Variants in MYO1G observed in about 807,000 individuals in gnomAD.
MYO1G encodes the protein myosin IG.
A neutral mutation model predicts 115.3 loss-of-function variants in MYO1G; 65 were observed. The observed-to-expected ratio is 0.56, with a 90% CI of 0.46 to 0.69. The LOEUF is 0.69. Ranked by LOEUF, MYO1G falls within the 30% of genes least tolerant of loss-of-function variation. The pLI, the probability that MYO1G is intolerant of heterozygous loss-of-function variation, is 0.00. For missense variants in MYO1G, 1,204 were observed against 1,393.5 expected (o/e 0.86, Z 2.16); for synonymous variants, 510 against 552.6 (o/e 0.92, Z 1.08).
Position 44,970,134 on chromosome 7 carries a change from T to G in MYO1G, c.1238A>C (p.Asn413Thr). The change falls in exon 10 of 22, where the codon AAC becomes ACC. Residue 413 changes from asparagine (N) to threonine (T), a missense_variant. Asn to Thr is a moderately conservative substitution (Grantham distance 65). Coordinates refer to ENST00000258787, the MANE Select transcript of MYO1G (RefSeq NM_033054.3). The stretch of plus-strand genomic sequence containing the variant: ...CTGCTGCAGCTTCTCGTTGCAGTAG[T>G]TGATGCAGAACTGCTCGAAACTGGG... ...PVNSFEQFCI[N>T]YCNEKLQQLF... The G allele has an allele frequency of 6.2e-7, 1 of 1,613,860 alleles. No individual in the cohort carries two copies. Among genetic ancestry groups the G allele is most frequent in the Middle Eastern group, 1.7e-4 (1 of 6,056 alleles).
chr7:44,964,920 A>G lies in MYO1G; in HGVS notation c.2526+25T>C. The G allele has an allele frequency of 1.9e-6, 3 of 1,582,396 alleles. No individual in the cohort carries two copies. Among genetic ancestry groups the G allele is most frequent in the Non-Finnish European group, 2.6e-6 (3 of 1,157,792 alleles). On this transcript the variant is annotated intron_variant, in intron 18 of 21. Transcript: ENST00000258787. The surrounding 1 kb of genome is among the most constrained non-coding windows in gnomAD (Gnocchi z 5.1). ...CTTTGGCAGCCCACTTCCCCCTGGC[A>G]GCCCTGGACTCGCCTGGCACTTACA...
intron 5 of MYO1G, chr7:44,972,637 G>C: frequency 5.0e-6 from 1 of 201,696 alleles, no homozygotes; most frequent in Non-Finnish European, 1.0e-5. Context: ...AGAATCCTAG[G>C]GAGCTCCACT....
At position 44,970,680 on chromosome 7, in the gene MYO1G, G is replaced by T. The variant is rs377745166; in HGVS notation, c.1129C>A (p.Pro377Thr). 2 of 1,613,874 alleles carry T rather than the reference G, an allele frequency of 1.2e-6. No homozygotes were observed. The highest frequency in any genetic ancestry group is 1.7e-6 in the Non-Finnish European group (2 of 1,180,048). Residue 377 changes from proline (P) to threonine (T), a missense_variant, in exon 9 of 22, where the codon CCC (proline) becomes ACC (threonine). Physicochemically the swap from Pro to Thr is conservative, Grantham distance 38. Coordinates refer to ENST00000258787, the MANE Select transcript of MYO1G (RefSeq NM_033054.3). ...VVNRINSVME[P>T]RGRDPRRDGK... ...TCACGCCGAGGATCCCGGCCCCGGGGTTCCATGACACTGTTGATCCTGTTC... is the reference window on the plus strand; with the variant it reads ...TCACGCCGAGGATCCCGGCCCCGGGTTTCCATGACACTGTTGATCCTGTTC...
chr7:44,976,870 G>A lies in MYO1G; in HGVS notation c.297C>T (p.Val99=), dbSNP rs1171739732. The A allele has an allele frequency of 6.2e-7, 1 of 1,613,216 alleles. No individual in the cohort carries two copies. The highest frequency in any genetic ancestry group is 1.3e-5 in the African/African-American group (1 of 74,942). The stretch of plus-strand genomic sequence containing the variant: ...GGCGGCAGGGACAGGTACCTGAGAT[G>A]ACGATGCAGGTGTCCCTGGACCGGT... ...MKHRSRDTCI[V]ISGESGAGKT... Residue 99 remains valine, a synonymous_variant, in exon 2 of 22, where the codon GTC becomes GTT. Transcript: ENST00000258787.
chr7:44,975,431 G>A, intron 4 of MYO1G, 53 bp downstream of exon 4: 1 of 1,574,306 alleles, frequency 6.4e-7, no homozygotes, highest in African/African-American at 1.3e-5. Flanking sequence ...CCAGGCCTGG[G>A]ATGGGTCTCG....
At chr7:44,975,402 C>T (rs1014380963) in intron 4 of MYO1G, 82 bp downstream of exon 4, 14 of 1,550,738 alleles carry the variant, frequency 9.0e-6, no homozygotes, top group South Asian at 3.5e-5. Context: ...TAAGCTGCAC[C>T]GTCGGGATGG....
intron 17 of MYO1G, 132 bp downstream of exon 17, chr7:44,965,505 A>G: frequency 1.2e-6 from 1 of 843,316 alleles, no homozygotes; most frequent in Non-Finnish European, 1.9e-6. Context: ...CTAATGTGGC[A>G]TAGCATCCAC....
Position 44,966,782 on chromosome 7 carries a change from CAGCTT to C in MYO1G, c.1834_1838del (p.Lys612GlyfsTer2). 1 of 1,613,632 alleles carries C rather than the reference CAGCTT, an allele frequency of 6.2e-7. No homozygotes were observed. The highest frequency in any genetic ancestry group is 8.5e-7 in the Non-Finnish European group (1 of 1,179,966). On this transcript the variant is annotated frameshift_variant, in exon 15 of 22. Transcript: ENST00000258787. LOFTEE classifies it high-confidence loss of function. This position sits in a 1 kb window ranked among gnomAD's most constrained non-coding sequence, Gnocchi z 5.0. The stretch of plus-strand genomic sequence containing the variant: ...CCTGGTGGCGACAGTGGTTCTCATC[CAGCTT>C]CCCAGCTACCTTGTCCTCATTGGGC...
intron 12 of MYO1G, 81 bp from the exon 13 acceptor site, chr7:44,968,039 C>G (rs758955821): frequency 3.5e-6 from 4 of 1,135,640 alleles, no homozygotes; most frequent in Middle Eastern, 1.9e-4. Flanking sequence ...AGCCCCCACT[C>G]TCTTCCCATC....
chr7:44,966,628 C>A lies in MYO1G; in HGVS notation c.1949+44G>T. 1 of 1,610,544 alleles carries A rather than the reference C, an allele frequency of 6.2e-7. No individual in the cohort carries two copies. The highest frequency in any genetic ancestry group is 1.1e-5 in the South Asian group (1 of 90,758). ...CTGCTCCTACCCCTTGGACTCCACA[C>A]AGGGACTATGGCCCATGGAGTGATG... On this transcript the variant is annotated intron_variant, in intron 15 of 21. Transcript: ENST00000258787. This position sits in a 1 kb window ranked among gnomAD's most constrained non-coding sequence, Gnocchi z 5.0.
chr7:44,964,351 T>G lies in MYO1G; in HGVS notation c.2631+64A>C. On this transcript the variant is annotated intron_variant, in intron 19 of 21. Coordinates refer to ENST00000258787, the MANE Select transcript of MYO1G (RefSeq NM_033054.3). The surrounding 1 kb of genome is among the most constrained non-coding windows in gnomAD (Gnocchi z 5.1). Reference sequence around the variant, plus strand: ...CCCCCCAAAACTCTGCACCAGCTTCTAACCTTGCAGACGTGGCTAGAAAAA... The same window carrying G: ...CCCCCCAAAACTCTGCACCAGCTTCGAACCTTGCAGACGTGGCTAGAAAAA... The G allele has an allele frequency of 6.6e-7, 1 of 1,516,648 alleles. No individual in the cohort carries two copies. 93.9% of individuals were successfully genotyped at this position (1,516,648 alleles called of 1,614,324 possible). A position where few individuals can be genotyped will look rare whatever the true frequency, so the allele number is the denominator to read the frequency against.
intron 9 of MYO1G, 88 bp downstream of exon 9, chr7:44,970,504 G>A (rs1794935198): frequency 1.3e-6 from 2 of 1,547,410 alleles, no homozygotes; most frequent in Non-Finnish European, 1.8e-6. Flanking sequence ...CAACATTCCT[G>A]CTGCCCAGCC....
intron 17 of MYO1G, 113 bp from the exon 18 acceptor site, chr7:44,965,202 TC>T: frequency 6.9e-7 from 1 of 1,443,026 alleles, no homozygotes; most frequent in Non-Finnish European, 9.3e-7. Flanking sequence ...GCCTTTCATG[TC>T]CCAACCTCTG....
At position 44,965,788 on chromosome 7, in the gene MYO1G, G is replaced by A. The variant is rs149069497; in HGVS notation, c.2230C>T (p.Arg744Trp). The change falls in exon 17 of 22, where the codon CGG (arginine) becomes TGG (tryptophan). Residue 744 changes from arginine to tryptophan, a missense_variant. Coordinates refer to ENST00000258787, the MANE Select transcript of MYO1G (RefSeq NM_033054.3). ...AGGTGAGCCCGCACCTTGTGTCTCCGGAACCAGCGCATGATGGTGTAGATA... is the reference window on the plus strand; with the variant it reads ...AGGTGAGCCCGCACCTTGTGTCTCCAGAACCAGCGCATGATGGTGTAGATA... ...RAIYTIMRWF[R>W]RHKVRAHLAE... The A allele has an allele frequency of 5.2e-5, 84 of 1,605,360 alleles. No homozygotes were observed. The highest frequency in any genetic ancestry group is 1.1e-4 in the East Asian group (5 of 44,858).
Position 44,975,566 on chromosome 7 carries a change from C to T in MYO1G, c.482G>A (p.Arg161His), listed in dbSNP as rs771955737. 12 of 1,613,876 alleles carry T rather than the reference C, an allele frequency of 7.4e-6. No homozygotes were observed. The highest frequency in any genetic ancestry group is 1.7e-5 in the Admixed American group (1 of 59,988). ...ARTNRNHNSS[R>H]FGKYMDINFD... ...GTTGATGTCCATGTACTTGCCAAAGCGGCTGGAGTTGTGATTGCGGTTGGT... is the reference window on the plus strand; with the variant it reads ...GTTGATGTCCATGTACTTGCCAAAGTGGCTGGAGTTGTGATTGCGGTTGGT... Residue 161 changes from arginine (R) to histidine (H), a missense_variant, in exon 4 of 22, where the codon CGC becomes CAC. By Grantham distance (29) the Arg-to-His change is conservative. Transcript: ENST00000258787.
chr7:44,971,004 G>C lies in MYO1G; in HGVS notation c.902C>G (p.Ala301Gly). Reference protein sequence around the residue: ...EEGGLQKEGLAVAEEALVDHV... With the variant: ...EEGGLQKEGLGVAEEALVDHV... Reference sequence around the variant, plus strand: ...GTCCACCAGTGCCTCCTCGGCCACTGCCAGGCCCTCCTTCTGCAGCCCACC... The same window carrying C: ...GTCCACCAGTGCCTCCTCGGCCACTCCCAGGCCCTCCTTCTGCAGCCCACC... The change falls in exon 8 of 22, where the codon GCA (alanine) becomes GGA (glycine). Residue 301 changes from alanine to glycine, a missense_variant. By Grantham distance (60) the Ala-to-Gly change is moderately conservative. Coordinates refer to ENST00000258787, the MANE Select transcript of MYO1G (RefSeq NM_033054.3). 6.2e-7 allele frequency: 1 copy of C among 1,613,274 alleles called. No homozygotes were observed. Among genetic ancestry groups the C allele is most frequent in the Non-Finnish European group, 8.5e-7 (1 of 1,179,948 alleles).
Position 44,972,115 on chromosome 7 carries a change from A to C in MYO1G, c.729T>G (p.Ser243Arg). Residue 243 changes from serine to arginine, a missense_variant and splice_region_variant, in exon 6 of 22, where the codon AGT becomes AGG. Physicochemically the swap from Ser to Arg is moderately radical, Grantham distance 110. Transcript: ENST00000258787. ...AGCCCTTGGTGCCCCTCACACTCACACTGTGCACAGTCATGTTGAGTCCTG... is the reference window on the plus strand; with the variant it reads ...AGCCCTTGGTGCCCCTCACACTCACCCTGTGCACAGTCATGTTGAGTCCTG... ...QGAGLNMTVH[S>R]ALDSDEQSHQ... The C allele has an allele frequency of 6.2e-7, 1 of 1,612,278 alleles. No homozygotes were observed. The highest frequency in any genetic ancestry group is 8.5e-7 in the Non-Finnish European group (1 of 1,178,494).
In MYO1G at chr7:44,967,721, G is replaced by T; in HGVS notation, c.1666C>A (p.Arg556=). 1 of 1,613,554 alleles carries T rather than the reference G, an allele frequency of 6.2e-7. No individual in the cohort carries two copies. The highest frequency in any genetic ancestry group is 8.5e-7 in the Non-Finnish European group (1 of 1,180,014). ...LLYNSTDPTL[R]AMWPDGQQDI... ...TGCTGCCCGTCCGGCCACATGGCCC[G>T]TAGAGTGGGGTCCGTGCTGCAGACA... Residue 556 remains arginine, a synonymous_variant, in exon 14 of 22, where the codon CGG becomes AGG. Transcript: ENST00000258787.
rs1441462789 is a variant in MYO1G at position 44,969,417 on chromosome 7, C to T, written c.1570G>A (p.Val524Ile). The T allele has an allele frequency of 3.1e-6, 5 of 1,613,822 alleles. No individual in the cohort carries two copies. Among genetic ancestry groups the T allele is most frequent in the East Asian group, 2.2e-5 (1 of 44,870 alleles). Residue 524 changes from valine to isoleucine, a missense_variant, in exon 12 of 22, where the codon GTC becomes ATC. By Grantham distance (29) the Val-to-Ile change is conservative. Transcript: ENST00000258787. The surrounding 1 kb of genome is among the most constrained non-coding windows in gnomAD (Gnocchi z 5.0). Reference sequence around the variant, plus strand: ...TGGGTGGGAGGGGGCCCTTACGTGACGTCCCCTGCATAGTGCTTGATCCGG... The same window carrying T: ...TGGGTGGGAGGGGGCCCTTACGTGATGTCCCCTGCATAGTGCTTGATCCGG... ...DFRIKHYAGD[V>I]TYSVEGFIDK...
Sources: allele counts gnomAD v4.1 joint callset, GRCh38; gene constraint gnomAD v4.1.1; non-coding constraint Gnocchi (gnomAD v3.1); transcripts MANE v1.5; gene names NCBI Gene and HGNC (gene_info 2026-07-23, HGNC 2026-07-21).